The following DAB1 variants were observed in gnomAD, a reference collection of about 807,000 sequenced individuals.
DAB1 encodes DAB adaptor protein 1.
In DAB1, 15 loss-of-function variants were observed where a neutral mutation model predicts 64.6. The ratio of observed to expected loss-of-function variants is 0.23; its 90% CI spans 0.16 to 0.36. The LOEUF (loss-of-function observed/expected upper bound fraction) is 0.36. Among genes scored for constraint, DAB1 ranks in the 10% least tolerant of loss-of-function variants. The pLI, the probability that DAB1 is intolerant of heterozygous loss-of-function variation, is 1.00. For missense variants in DAB1, 596 were observed against 706.7 expected (o/e 0.84, Z 1.78); for synonymous variants, 235 against 251.9 (o/e 0.93, Z 0.64).
chr1:58,301,859 T>C (rs966804835), intron 4 of DAB1, among the ~76,000 whole-genome samples: 2 of 152,202 alleles, frequency 1.3e-5, no homozygotes, highest in African/African-American at 4.8e-5. Flanking sequence ...AATAAAAGCA[T>C]CTACCCTATA....
rs574436115 is a variant in DAB1, at chr1:58,206,183, C to G, written n.310-55595G>C. On this transcript the variant is annotated intron_variant and non_coding_transcript_variant, in intron 4 of 20. Transcript: ENST00000485760. The stretch of plus-strand genomic sequence containing the variant: ...TTTTAAGGAGACATGAGACATCAAC[C>G]AATACATGTAAGATATACATTGGTT... Among the ~76,000 whole-genome samples, 4 of 152,238 alleles carry G rather than the reference C, an allele frequency of 2.6e-5. No homozygotes were observed. The South Asian group carries it at 8.3e-4, about 32-fold the overall frequency.
intron 1 of DAB1, among the ~76,000 whole-genome samples, chr1:57,398,582 T>C (rs549655923): frequency 6.6e-6 from 1 of 152,346 alleles, no homozygotes; most frequent in Non-Finnish European, 1.5e-5. Context: ...CCTCTCCCTA[T>C]CCAGAAATAG....
chr1:57,068,251 T>A (rs1651115847), intron 8 of DAB1, among the ~76,000 whole-genome samples: 2 of 152,154 alleles, frequency 1.3e-5, no homozygotes, highest in African/African-American at 2.4e-5. Context: ...AATCTGACAC[T>A]CAGGACAAAC....
intron 1 of DAB1, among the ~76,000 whole-genome samples, chr1:57,375,978 G>A (rs1038329049): frequency 6.6e-6 from 1 of 152,122 alleles, no homozygotes; most frequent in Non-Finnish European, 1.5e-5. Flanking sequence ...GCAGAGACAC[G>A]GACACAGACA....
At chr1:58,057,357 T>C (rs1251515808) in intron 5 of DAB1, among the ~76,000 whole-genome samples, 1 of 152,188 alleles carries the variant, frequency 6.6e-6, no homozygotes, top group Admixed American at 6.5e-5. Context: ...TAACTTTCTT[T>C]GGAAGCAGGA....
intron 4 of DAB1, among the ~76,000 whole-genome samples, chr1:58,300,660 GGAAGGA>G (rs1662146153): frequency 7.8e-5 from 9 of 115,072 alleles, no homozygotes; most frequent in African/African-American, 3.0e-4. Flanking sequence ...AAGGAAGGAA[GGAAGGA>G]AGGAAGGAAG....
intron 6 of DAB1, among the ~76,000 whole-genome samples, chr1:57,704,878 T>TTTCCTTCCTTCCTTCCTTCCTTCC (rs57907821): frequency 6.8e-6 from 1 of 146,260 alleles, no homozygotes; most frequent in African/African-American, 2.5e-5. Context: ...GGAAATTTCT[T>TTTCCTTCCTTCCTTCCTTCCTTCC]TTCCTTCCTT....
intron 5 of DAB1, among the ~76,000 whole-genome samples, chr1:57,985,545 A>C (rs1398099782): frequency 6.6e-6 from 1 of 152,212 alleles, no homozygotes; most frequent in Non-Finnish European, 1.5e-5. Context: ...ATAAAGATTA[A>C]TTCAAAGGAA....
At chr1:57,622,899 C>T (rs1468104693) in intron 7 of DAB1, among the ~76,000 whole-genome samples, 2 of 152,130 alleles carry the variant, frequency 1.3e-5, no homozygotes, top group Admixed American at 6.6e-5. Flanking sequence ...CATGAGGATC[C>T]TACAAGGTCC....
At chr1:57,532,674 C>T (rs1280371579) in intron 7 of DAB1, among the ~76,000 whole-genome samples, 4 of 152,178 alleles carry the variant, frequency 2.6e-5, no homozygotes, top group Non-Finnish European at 4.4e-5. Context: ...AGAGTGAGAG[C>T]ACAATGGGCT....
At chr1:57,567,830 G>A (rs1215865975) in intron 7 of DAB1, among the ~76,000 whole-genome samples, 1 of 152,064 alleles carries the variant, frequency 6.6e-6, no homozygotes, top group Non-Finnish European at 1.5e-5. Context: ...GAATCAATAT[G>A]GTGAAAATGG....
At chr1:57,221,385 T>G (rs1022622581) in intron 2 of DAB1, among the ~76,000 whole-genome samples, 6 of 151,752 alleles carry the variant, frequency 4.0e-5, no homozygotes, top group South Asian at 2.1e-4. Flanking sequence ...ACCCTAGAAC[T>G]TAAAGTATAA....
chr1:57,261,408 G>A (rs1463508418), intron 2 of DAB1, among the ~76,000 whole-genome samples: 1 of 152,110 alleles, frequency 6.6e-6, no homozygotes, highest in Non-Finnish European at 1.5e-5. Flanking sequence ...CGCCCCCATA[G>A]CATGGTTGAC....
intron 1 of DAB1, among the ~76,000 whole-genome samples, chr1:57,400,985 C>G (rs1214615501): frequency 7.5e-6 from 1 of 133,116 alleles, no homozygotes; most frequent in Non-Finnish European, 1.7e-5. Context: ...AGGGTGAAAG[C>G]TCTCTCTTAA....
At chr1:57,093,552 T>C (rs752579938) in intron 4 of DAB1, among the ~76,000 whole-genome samples, 32 of 152,140 alleles carry the variant, frequency 2.1e-4, no homozygotes, top group Non-Finnish European at 4.0e-4. Flanking sequence ...TGCATAATAA[T>C]AATTGCAGAG....
At chr1:57,283,239 C>T (rs970795196) in intron 2 of DAB1, among the ~76,000 whole-genome samples, 1 of 152,224 alleles carries the variant, frequency 6.6e-6, no homozygotes, top group South Asian at 2.1e-4. Context: ...AGCTTGACAA[C>T]ATGGTCCATT....
intron 7 of DAB1, among the ~76,000 whole-genome samples, chr1:57,516,314 G>T (rs1558452701): frequency 2.0e-5 from 3 of 152,228 alleles, no homozygotes; most frequent in African/African-American, 7.2e-5. Context: ...TAAGAGTCTC[G>T]AAAGGAGATG....
intron 6 of DAB1, among the ~76,000 whole-genome samples, chr1:57,732,214 T>C (rs1367649835): frequency 3.9e-5 from 6 of 152,166 alleles, no homozygotes; most frequent in Non-Finnish European, 8.8e-5. Context: ...TTTTTGGCCC[T>C]CCATGGCCTC....
chr1:57,088,234 C>T lies in DAB1; in HGVS notation c.307-15820G>A, dbSNP rs1001197101. 7.2e-5 allele frequency among the ~76,000 whole-genome samples: 11 copies of T among 152,250 alleles called. No homozygotes were observed. In the South Asian group the frequency reaches 1.9e-3, roughly 26 times the overall value. On this transcript the variant is annotated intron_variant, in intron 4 of 14. Coordinates refer to ENST00000371236, the MANE Select transcript of DAB1 (RefSeq NM_001365792.1). ...TACAGGCATGCACCACCACACCTGG[C>T]TAATTTTTGTATCTTTAGTAGAGAC...
Sources: allele counts gnomAD v4.1 joint callset (sites outside exome capture counted in the v4.1 genomes callset), GRCh38; gene constraint gnomAD v4.1.1; transcripts MANE v1.5; gene names NCBI Gene and HGNC (gene_info 2026-07-23, HGNC 2026-07-21).